Variants in TBC1D2B observed in about 807,000 individuals in gnomAD.
The protein encoded by TBC1D2B is TBC1 domain family member 2B.
In TBC1D2B, 64 loss-of-function variants were observed where a neutral mutation model predicts 100.8. The ratio of observed to expected loss-of-function variants is 0.64; its 90% CI spans 0.52 to 0.78. The LOEUF is 0.78. Among genes scored for constraint, TBC1D2B ranks in the 30% least tolerant of loss-of-function variants. The probability of loss-of-function intolerance (pLI) is 0.00; values close to 1 mark genes in which losing one functional copy is unlikely to be tolerated. For synonymous variants in TBC1D2B, 480 were observed against 479.7 expected, an observed-to-expected ratio of 1.00 and a Z score of -0.01; for missense variants, 1,052 against 1,218.4, an observed-to-expected ratio of 0.86 and a Z score of 2.03.
At chr15:78,024,071 C>T in intron 6 of TBC1D2B, 85 bp downstream of exon 6, 3 of 1,482,536 alleles carry the variant, frequency 2.0e-6, no homozygotes, top group Non-Finnish European at 8.9e-7. Context: ...TGCCGTCACA[C>T]CAAATCAGCT....
intron 3 of TBC1D2B, among the ~76,000 whole-genome samples, chr15:78,041,396 T>C (rs2073092188): frequency 1.3e-5 from 2 of 152,230 alleles, no homozygotes; most frequent in Non-Finnish European, 2.9e-5. Context: ...AGTGGCCCAT[T>C]TGGTCTCATG....
At position 78,018,146 on chromosome 15, in the gene TBC1D2B, A is replaced by C. The variant is rs544496421; in HGVS notation, c.1471-189T>G. On this transcript the variant is annotated intron_variant, in intron 6 of 12. Coordinates refer to ENST00000300584, the MANE Select transcript of TBC1D2B (RefSeq NM_144572.2). ...CTTTTTGGCCATTTACAGTAGTAGA[A>C]GGCAGGCAGGCATGACTGCCGTAAC... Among the ~76,000 whole-genome samples, 28 of 152,346 alleles carry C rather than the reference A, an allele frequency of 1.8e-4. No individual in the cohort carries two copies. In the South Asian group the frequency reaches 5.2e-3, roughly 28 times the overall value.
chr15:78,016,729 A>C lies in TBC1D2B; in HGVS notation c.1592T>G (p.Leu531Arg). ...TTCTATCTGGCAGAGCTTGGCTTCC[A>C]GGCTAGAATACTGCAGAGAATGTGG... ...ERDLMAKYSS[L>R]EAKLCQIESK... The change falls in exon 8 of 13, where the codon CTG becomes CGG. Residue 531 changes from leucine to arginine, a missense_variant. Physicochemically the swap from Leu to Arg is moderately radical, Grantham distance 102. Around this residue, in one of 4 missense-constraint regions of TBC1D2B, gnomAD observed 373 missense variants for 464.9 expected, o/e 0.80. Coordinates refer to ENST00000300584, the MANE Select transcript of TBC1D2B (RefSeq NM_144572.2). 6.4e-7 allele frequency: 1 copy of C among 1,550,652 alleles called. No homozygotes were observed. The highest frequency in any genetic ancestry group is 8.7e-7 in the Non-Finnish European group (1 of 1,150,654).
At chr15:78,010,010 G>C (rs2072181653) in intron 9 of TBC1D2B, among the ~76,000 whole-genome samples, 1 of 151,270 alleles carries the variant, frequency 6.6e-6, no homozygotes, top group Non-Finnish European at 1.5e-5. Flanking sequence ...TGCAAATGCA[G>C]CTGATTCTTT....
intron 10 of TBC1D2B, among the ~76,000 whole-genome samples, chr15:78,005,606 T>C (rs1237217384): frequency 2.6e-5 from 4 of 152,184 alleles, no homozygotes; most frequent in African/African-American, 4.8e-5. Flanking sequence ...TAAAATGACA[T>C]GGGAAAATGC....
At chr15:78,053,995 A>G in intron 2 of TBC1D2B, 39 bp downstream of exon 2, 1 of 1,585,376 alleles carries the variant, frequency 6.3e-7, no homozygotes. Context: ...AATGGCTTAC[A>G]CAAAGAACTG....
chr15:78,069,111 C>A (rs117557926), intron 1 of TBC1D2B, among the ~76,000 whole-genome samples: 2 of 152,126 alleles, frequency 1.3e-5, no homozygotes, highest in African/African-American at 4.8e-5. Flanking sequence ...AGCAACTGAT[C>A]GAGGAGACTG....
rs891208425 is a variant in TBC1D2B, at chr15:78,028,458, G to A, written c.847+1549C>T. ...TGCACTCCACCCTGGGTGACAGAGCGAGACTCCGTCTCAATAAATAAAATA... is the reference window on the plus strand; with the variant it reads ...TGCACTCCACCCTGGGTGACAGAGCAAGACTCCGTCTCAATAAATAAAATA... On this transcript the variant is annotated intron_variant, in intron 4 of 12. Transcript: ENST00000300584. Among the ~76,000 whole-genome samples, 4 of 152,348 alleles carry A rather than the reference G, an allele frequency of 2.6e-5. No individual in the cohort carries two copies. In the South Asian group the frequency reaches 8.3e-4, roughly 32 times the overall value.
In TBC1D2B at chr15:78,001,515, G is replaced by A. The variant is rs11858921; in HGVS notation, c.2696+104C>T. ...AATGCCCTCTCCAACACTGTACACC[G>A]GGGATGGCTCTGAGTTGGAAGACAG... On this transcript the variant is annotated intron_variant, in intron 12 of 12. Coordinates refer to ENST00000300584, the MANE Select transcript of TBC1D2B (RefSeq NM_144572.2). The A allele has an allele frequency of 1.4e-3, 1,948 of 1,374,412 alleles. 28 individuals carry two copies. In the African/African-American group the frequency reaches 0.023, roughly 16 times the overall value. The allele number at this position is 1,374,412 out of a possible 1,614,324, so 85.1% of individuals were successfully genotyped here.
In TBC1D2B at chr15:78,031,569, A is replaced by AAAAAAAG. The variant is rs2072813817; in HGVS notation, c.684-1406_684-1400dup. On this transcript the variant is annotated intron_variant, in intron 3 of 12. Coordinates refer to ENST00000300584, the MANE Select transcript of TBC1D2B (RefSeq NM_144572.2). ...ACTCTGTCTCCAAAAAAAAAAAAAAAAAAAAAGAGAGAGAGAGAGGATTTT... is the reference window on the plus strand; with the variant it reads ...ACTCTGTCTCCAAAAAAAAAAAAAAAAAAAAAGAAAAAAGAGAGAGAGAGAGGATTTT... Among the ~76,000 whole-genome samples the AAAAAAAG allele has an allele frequency of 2.0e-5, 3 of 150,586 alleles. No homozygotes were observed. In the East Asian group the frequency reaches 5.8e-4, roughly 29 times the overall value.
In TBC1D2B at chr15:78,054,123, C is replaced by T; in HGVS notation, c.425G>A (p.Cys142Tyr). The T allele has an allele frequency of 1.2e-6, 2 of 1,613,892 alleles. No individual in the cohort carries two copies. Among genetic ancestry groups the T allele is most frequent in the Non-Finnish European group, 1.7e-6 (2 of 1,179,846 alleles). The part of the protein sequence containing the change: ...QELQQKRWEY[C>Y]NSLDMVKWDS... ...CCACTTGACCATGTCAAGACTGTTA[C>T]AATATTCCCATCTCTTCTGCTGAAG... The change falls in exon 2 of 13, where the codon TGT becomes TAT. Residue 142 changes from cysteine (C) to tyrosine (Y), a missense_variant. Cys to Tyr is a radical substitution (Grantham distance 194, BLOSUM62 -2). This residue lies in a region of TBC1D2B where 627 missense variants were observed against 646.1 expected (regional missense o/e 0.97). Coordinates refer to ENST00000300584, the MANE Select transcript of TBC1D2B (RefSeq NM_144572.2).
At chr15:78,045,985 G>C (rs2073186887) in intron 2 of TBC1D2B, among the ~76,000 whole-genome samples, 1 of 152,006 alleles carries the variant, frequency 6.6e-6, no homozygotes, top group Admixed American at 6.6e-5. Context: ...AGGACAGAAT[G>C]CAATGGCGCG....
intron 10 of TBC1D2B, among the ~76,000 whole-genome samples, chr15:78,004,315 G>C (rs912060085): frequency 1.3e-5 from 2 of 152,184 alleles, no homozygotes; most frequent in African/African-American, 4.8e-5. Flanking sequence ...CCCTGGTAAC[G>C]ATGTGTTCAT....
Position 78,025,348 on chromosome 15 carries a change from T to C in TBC1D2B, c.997A>G (p.Ile333Val), listed in dbSNP as rs141742870. The C allele has an allele frequency of 2.5e-5, 41 of 1,614,002 alleles. No individual in the cohort carries two copies. In the African/African-American group the frequency reaches 3.9e-4, roughly 15 times the overall value. Reference sequence around the variant, plus strand: ...TGCATTTCGGAGGCCGGCTTCCTGATGCTGACGCTGCCACTGCCTGATGTG... The same window carrying C: ...TGCATTTCGGAGGCCGGCTTCCTGACGCTGACGCTGCCACTGCCTGATGTG... Reference protein sequence around the residue: ...EGTSGSGSVSIRKPASEMQLQ... With the variant: ...EGTSGSGSVSVRKPASEMQLQ... Residue 333 changes from isoleucine (I) to valine (V), a missense_variant, in exon 5 of 13, where the codon ATC becomes GTC. By Grantham distance (29) the Ile-to-Val change is conservative. Transcript: ENST00000300584.
intron 3 of TBC1D2B, among the ~76,000 whole-genome samples, chr15:78,035,010 G>C (rs1250326569): frequency 6.6e-6 from 1 of 152,142 alleles, no homozygotes; most frequent in East Asian, 1.9e-4. Context: ...GCTGGTGTTA[G>C]AGGCTGTTCT....
chr15:78,046,686 A>T (rs1403115080), intron 2 of TBC1D2B, among the ~76,000 whole-genome samples: 2 of 151,910 alleles, frequency 1.3e-5, no homozygotes, highest in Non-Finnish European at 2.9e-5. Context: ...TGCCCAAACT[A>T]GTCTTGAATG....
chr15:78,073,743 A>AAG, intron 1 of TBC1D2B, among the ~76,000 whole-genome samples: 1 of 152,266 alleles, frequency 6.6e-6, no homozygotes, highest in African/African-American at 2.4e-5. Context: ...AGGCAGAGGC[A>AAG]GGTGGATCAC....
intron 6 of TBC1D2B, among the ~76,000 whole-genome samples, chr15:78,020,228 G>A (rs760248557): frequency 2.6e-5 from 4 of 152,164 alleles, no homozygotes; most frequent in Non-Finnish European, 5.9e-5. Flanking sequence ...TTACTAAAAG[G>A]CAGGTCAGCC....
At chr15:78,052,336 C>G (rs1040844549) in intron 2 of TBC1D2B, among the ~76,000 whole-genome samples, 5 of 152,178 alleles carry the variant, frequency 3.3e-5, no homozygotes, top group African/African-American at 1.2e-4. Flanking sequence ...GCACCCTTCC[C>G]TCACATTTCT....
Sources: gnomAD v4.1 joint callset for allele counts (sites outside exome capture counted in the v4.1 genomes callset) on GRCh38, gnomAD v4.1.1 for gene constraint, gnomAD v4.1.1 regional missense constraint, MANE v1.5 for transcripts, NCBI Gene and HGNC (gene_info 2026-07-23, HGNC 2026-07-21) for gene names.